Variants in GDAP1 observed in about 807,000 individuals in gnomAD.
The protein encoded by GDAP1 is ganglioside induced differentiation associated protein 1.
GDAP1 carries 34 observed loss-of-function variants against 40.1 expected under a neutral mutation model. The ratio of observed to expected loss-of-function variants is 0.85; its 90% CI spans 0.64 to 1.13. The LOEUF is 1.13. GDAP1 is among the 50% of genes most tolerant of loss of function. GDAP1 has a pLI of 0.00. For missense variants in GDAP1, 374 were observed against 433.7 expected, an observed-to-expected ratio of 0.86 and a Z score of 1.22; for synonymous variants, 170 against 157.4, an observed-to-expected ratio of 1.08 and a Z score of -0.60.
chr8:74,362,611 G>A (rs1809423898), intron 4 of GDAP1, among the ~76,000 whole-genome samples: 1 of 151,934 alleles, frequency 6.6e-6, no homozygotes, highest in African/African-American at 2.4e-5. Context: ...TTTCAATTAC[G>A]GCTGCTAGAA....
rs576476795 is a variant in GDAP1, at chr8:74,400,687, G to T, written c.165+49366G>T. On this transcript the variant is annotated intron_variant, in intron 2 of 2. Transcript: ENST00000523640. The stretch of plus-strand genomic sequence containing the variant: ...ATTTGGCATGATTTTGCAGTGGCTG[G>T]TACCAGTTGTTCCTTTCCATGTTTA... Among the ~76,000 whole-genome samples the T allele has an allele frequency of 4.3e-4, 64 of 149,868 alleles. 6 individuals are homozygous for T. The highest frequency in any genetic ancestry group is 1.5e-3 in the African/African-American group (58 of 39,216).
intron 2 of GDAP1, among the ~76,000 whole-genome samples, chr8:74,455,263 A>G (rs1806322594): frequency 6.6e-6 from 1 of 151,978 alleles, no homozygotes; most frequent in Non-Finnish European, 1.5e-5. Context: ...CAACGAGTCT[A>G]TAGCATTCAA....
chr8:74,465,707 C>G (rs1806460722), intron 2 of GDAP1, among the ~76,000 whole-genome samples: 1 of 152,138 alleles, frequency 6.6e-6, no homozygotes, highest in Non-Finnish European at 1.5e-5. Flanking sequence ...GCTCCCTCTC[C>G]AAACTGCTTG....
chr8:74,414,616 G>A (rs1026456315), intron 2 of GDAP1, among the ~76,000 whole-genome samples: 2 of 146,362 alleles, frequency 1.4e-5, no homozygotes, highest in Non-Finnish European at 3.0e-5. Flanking sequence ...ATTTGAACAA[G>A]AGAGAAAAAC....
chr8:74,383,627 T>A (rs1017202944), intron 2 of GDAP1, among the ~76,000 whole-genome samples: 1 of 152,186 alleles, frequency 6.6e-6, no homozygotes, highest in Non-Finnish European at 1.5e-5. Context: ...CAAATCTTTC[T>A]TTTCATCTTC....
chr8:74,473,427 G>T lies in GDAP1; in HGVS notation c.166-15251G>T, dbSNP rs545818322. 2.0e-5 allele frequency among the ~76,000 whole-genome samples: 3 copies of T among 152,150 alleles called. No individual in the cohort carries two copies. The South Asian group carries it at 6.2e-4, about 32-fold the overall frequency. ...TGTCTTCCAGGATTTTTACAGTTTT[G>T]GGATTTGCATTTAAGCCTTTAACCC... On this transcript the variant is annotated intron_variant, in intron 2 of 2. Coordinates refer to the GDAP1 transcript ENST00000523640.
intron 2 of GDAP1, among the ~76,000 whole-genome samples, chr8:74,435,209 A>G (rs1806073671): frequency 6.6e-6 from 1 of 152,236 alleles, no homozygotes; most frequent in South Asian, 2.1e-4. Flanking sequence ...AGAGATAGTA[A>G]GTAATGAAAA....
At chr8:74,485,470 G>A (rs1163284021) in intron 2 of GDAP1, among the ~76,000 whole-genome samples, 4 of 151,996 alleles carry the variant, frequency 2.6e-5, no homozygotes, top group Admixed American at 6.6e-5. Flanking sequence ...GTGGTCCCTC[G>A]GCATATGAGG....
intron 2 of GDAP1, among the ~76,000 whole-genome samples, chr8:74,395,575 C>G (rs1475059160): frequency 6.6e-6 from 1 of 152,292 alleles, no homozygotes; most frequent in East Asian, 1.9e-4. Context: ...CATAGGGTCA[C>G]ACAATCCTGC....
At chr8:74,458,768 A>C (rs1170086361) in intron 2 of GDAP1, among the ~76,000 whole-genome samples, 1 of 152,114 alleles carries the variant, frequency 6.6e-6, no homozygotes, top group Non-Finnish European at 1.5e-5. Flanking sequence ...TTGCAGATGA[A>C]TCAATTGTAG....
intron 2 of GDAP1, among the ~76,000 whole-genome samples, chr8:74,397,315 A>G (rs1008440759): frequency 2.0e-5 from 3 of 150,448 alleles, no homozygotes; most frequent in Admixed American, 6.6e-5. Flanking sequence ...TTGCCTGTTC[A>G]CTCTGATGGT....
At chr8:74,380,959 C>T (rs1360227122) in intron 2 of GDAP1, among the ~76,000 whole-genome samples, 1 of 152,022 alleles carries the variant, frequency 6.6e-6, no homozygotes, top group Non-Finnish European at 1.5e-5. Context: ...TAACTCTGTC[C>T]AGTGCAATTT....
intron 2 of GDAP1, among the ~76,000 whole-genome samples, chr8:74,413,010 T>C (rs890724834): frequency 8.2e-6 from 1 of 121,398 alleles, no homozygotes; most frequent in African/African-American, 3.5e-5. Flanking sequence ...GAGGTTGCAG[T>C]GAGCTGAGAT....
chr8:74,398,456 G>C (rs1396930096), intron 2 of GDAP1, among the ~76,000 whole-genome samples: 1 of 152,140 alleles, frequency 6.6e-6, no homozygotes, highest in Non-Finnish European at 1.5e-5. Flanking sequence ...GGCTGAAGAC[G>C]ATGGGGTTTT....
At chr8:74,423,773 A>C (rs1805913019) in intron 2 of GDAP1, among the ~76,000 whole-genome samples, 1 of 152,082 alleles carries the variant, frequency 6.6e-6, no homozygotes. Flanking sequence ...ATCACAAGAG[A>C]GGAACCCCCA....
intron 2 of GDAP1, among the ~76,000 whole-genome samples, chr8:74,480,884 A>G (rs1374580685): frequency 6.6e-6 from 1 of 152,204 alleles, no homozygotes; most frequent in Non-Finnish European, 1.5e-5. Flanking sequence ...CCATTCAGGT[A>G]ATGGAATTCA....
At chr8:74,467,602 C>G (rs1230784316) in intron 2 of GDAP1, among the ~76,000 whole-genome samples, 1 of 152,104 alleles carries the variant, frequency 6.6e-6, no homozygotes, top group Non-Finnish European at 1.5e-5. Context: ...AATAAAGCTG[C>G]TAGGTTCACT....
At chr8:74,480,081 C>T (rs184716083) in intron 2 of GDAP1, among the ~76,000 whole-genome samples, 43 of 151,036 alleles carry the variant, frequency 2.8e-4, no homozygotes, top group African/African-American at 1.0e-3. Context: ...CTCTGCCTCC[C>T]AGGTTCAAGC....
chr8:74,443,078 T>G (rs1340810460), intron 2 of GDAP1, among the ~76,000 whole-genome samples: 1 of 152,164 alleles, frequency 6.6e-6, no homozygotes, highest in Non-Finnish European at 1.5e-5. Flanking sequence ...TTGATGCATT[T>G]ATAGAAAAAC....
Sources: gnomAD v4.1 joint callset for allele counts (sites outside exome capture counted in the v4.1 genomes callset) on GRCh38, gnomAD v4.1.1 for gene constraint, MANE v1.5 for transcripts, NCBI Gene and HGNC (gene_info 2026-07-23, HGNC 2026-07-21) for gene names.